FRY: variants seen among roughly 807,000 people sequenced by gnomAD.
FRY encodes FRY microtubule binding protein, also known as protein furry homolog.
In FRY, 128 loss-of-function variants were observed where a neutral mutation model predicts 348.4. The ratio of observed to expected loss-of-function variants is 0.37; its 90% CI spans 0.32 to 0.43. The LOEUF (loss-of-function observed/expected upper bound fraction) is 0.43. Among genes scored for constraint, FRY ranks in the 20% least tolerant of loss-of-function variants. The probability of loss-of-function intolerance (pLI) is 1.00; values close to 1 mark genes in which losing one functional copy is unlikely to be tolerated. For synonymous variants in FRY, 1,370 were observed against 1,374.7 expected (o/e 1.00, Z 0.08); for missense variants, 2,736 against 3,695.2 (o/e 0.74, Z 6.73).
intron 2 of FRY, among the ~76,000 whole-genome samples, chr13:32,082,470 C>A (rs1446627412): frequency 6.6e-6 from 1 of 152,162 alleles, no homozygotes; most frequent in Admixed American, 6.5e-5. Context: ...GCAAAGTGTT[C>A]TAAACAAGCT....
chr13:32,061,709 A>C (rs1202791619), intron 1 of FRY, among the ~76,000 whole-genome samples: 1 of 152,130 alleles, frequency 6.6e-6, no homozygotes, highest in Non-Finnish European at 1.5e-5. Flanking sequence ...TTTGTTTATA[A>C]ATTTAAAAAC....
At chr13:32,149,625 C>A in intron 13 of FRY, 123 bp from the exon 14 acceptor site, 1 of 696,506 alleles carries the variant, frequency 1.4e-6, no homozygotes. Flanking sequence ...AGCCACAAAA[C>A]TGAGCAGTGC....
intron 41 of FRY, among the ~76,000 whole-genome samples, chr13:32,232,824 C>T (rs1885992848): frequency 1.3e-5 from 2 of 152,164 alleles, no homozygotes; most frequent in African/African-American, 4.8e-5. Flanking sequence ...TTTTCCTTTT[C>T]TCAAAGGACA....
chr13:32,235,256 G>A (rs74044945), intron 42 of FRY, among the ~76,000 whole-genome samples: 1,537 of 152,350 alleles, frequency 0.01, 16 homozygotes, highest in South Asian at 0.03. Context: ...AGAGCCCAGA[G>A]ATTGGGAAGC....
At position 32,254,164 on chromosome 13, in the gene FRY, T is replaced by C. The variant is rs1214349075; in HGVS notation, c.7246-60T>C. The C allele has an allele frequency of 1.2e-5, 19 of 1,552,586 alleles. No individual in the cohort carries two copies. In the Admixed American group the frequency reaches 1.8e-4, roughly 15 times the overall value. On this transcript the variant is annotated intron_variant, in intron 50 of 60. Transcript: ENST00000542859. ...TGCTATGAAGAGCCAATTACAATTT[T>C]TCGTAGCACAAACAACCAAAGGGAG...
At chr13:32,283,636 T>G (rs1490357036) in intron 58 of FRY, among the ~76,000 whole-genome samples, 2 of 152,228 alleles carry the variant, frequency 1.3e-5, no homozygotes, top group Non-Finnish European at 2.9e-5. Context: ...ATTTCCAATA[T>G]TTGGGAAGTA....
At chr13:32,065,855 A>C (rs1425932218) in intron 1 of FRY, among the ~76,000 whole-genome samples, 2 of 152,092 alleles carry the variant, frequency 1.3e-5, no homozygotes, top group African/African-American at 2.4e-5. Flanking sequence ...CGTCCTGTCT[A>C]GGCCTCCCAA....
At position 32,236,158 on chromosome 13, in the gene FRY, A is replaced by G; in HGVS notation, c.5796A>G (p.Leu1932=). The change falls in exon 43 of 61, where the codon CTA becomes CTG. Residue 1932 remains leucine, a synonymous_variant. Coordinates refer to ENST00000542859, the MANE Select transcript of FRY (RefSeq NM_023037.3). ...ACTGCTTGAAGAACAGTGACCTCCT[A>G]ACTGTATTGTCCCGGTGAGAATCAG... ...LSDCLKNSDL[L]TVLSRSSSPD... 1 of 1,610,798 alleles carries G rather than the reference A, an allele frequency of 6.2e-7. No homozygotes were observed. Among genetic ancestry groups the G allele is most frequent in the East Asian group, 2.2e-5 (1 of 44,848 alleles).
Position 32,239,994 on chromosome 13 carries a change from T to G in FRY, c.6687+113T>G. ...CCTTCGCCTCCCAGAGTGCTAGGAT[T>G]ACAGGCGTGGGCCACCATTCCCTGC... On this transcript the variant is annotated intron_variant, in intron 46 of 60. Coordinates refer to ENST00000542859, the MANE Select transcript of FRY (RefSeq NM_023037.3). The surrounding 1 kb of genome is among the most constrained non-coding windows in gnomAD (Gnocchi z 4.3). 1 of 845,390 alleles carries G rather than the reference T, an allele frequency of 1.2e-6. No individual in the cohort carries two copies. The allele number at this position is 845,390 out of a possible 1,614,324, so 52.4% of individuals were successfully genotyped here.
intron 2 of FRY, among the ~76,000 whole-genome samples, chr13:32,098,871 T>G (rs1876957987): frequency 6.6e-6 from 1 of 152,086 alleles, no homozygotes. Flanking sequence ...CACAGTATTC[T>G]TTGTATTTTA....
intron 51 of FRY, among the ~76,000 whole-genome samples, chr13:32,256,711 C>T (rs1217304521): frequency 6.6e-6 from 1 of 152,184 alleles, no homozygotes; most frequent in African/African-American, 2.4e-5. Flanking sequence ...CCAACAGCTC[C>T]AGGTTTGAAT....
In FRY at chr13:32,298,464, A is replaced by G. The variant is rs1043717550; in HGVS notation, c.*3004A>G. The G allele has an allele frequency of 1.2e-4, 18 of 152,200 alleles. No individual in the cohort carries two copies. The highest frequency in any genetic ancestry group is 4.1e-4 in the African/African-American group (17 of 41,450). 9.4% of individuals were successfully genotyped at this position (152,200 alleles called of 1,614,324 possible). ...ATATTTCTTTGTTCAGCAAATATTT[A>G]TTGCATGCCCACTCTGGGCTAGGCA... On this transcript the variant is annotated 3_prime_UTR_variant, in exon 61 of 61. Coordinates refer to ENST00000542859, the MANE Select transcript of FRY (RefSeq NM_023037.3).
chr13:32,078,705 G>T (rs1383583547), intron 1 of FRY, 129 bp from the exon 2 acceptor site: 7 of 783,838 alleles, frequency 8.9e-6, no homozygotes, highest in African/African-American at 1.7e-5. Context: ...AAAGAATAAG[G>T]CCAGGTTATA....
At chr13:32,033,835 CTTTG>C (rs1167506387) in intron 1 of FRY, among the ~76,000 whole-genome samples, 3 of 152,154 alleles carry the variant, frequency 2.0e-5, no homozygotes, top group Non-Finnish European at 4.4e-5. Flanking sequence ...AGGAAATATA[CTTTG>C]TTTATCTTCT....
intron 58 of FRY, among the ~76,000 whole-genome samples, chr13:32,278,891 TGAAG>T (rs1477688202): frequency 6.6e-6 from 1 of 152,248 alleles, no homozygotes; most frequent in Non-Finnish European, 1.5e-5. Flanking sequence ...GTTTCTTTAA[TGAAG>T]GAAGTTTCTC....
rs1456656099 is a variant in FRY, at chr13:32,296,380, T to A, written c.*920T>A. ...AGAATCATAAAGGTAAAATATGAGT[T>A]GTTACTTTGTTTCTTCGATGTCATA... On this transcript the variant is annotated 3_prime_UTR_variant, in exon 61 of 61. Transcript: ENST00000542859. The A allele has an allele frequency of 1.3e-5, 2 of 152,620 alleles. No homozygotes were observed. The highest frequency in any genetic ancestry group is 3.8e-4 in the East Asian group (2 of 5,202). The allele number at this position is 152,620 out of a possible 1,614,324, so 9.5% of individuals were successfully genotyped here.
rs375420939 is a variant in FRY at position 32,217,684 on chromosome 13, T to C, written c.4683-1065T>C. Among the ~76,000 whole-genome samples, 42 of 152,174 alleles carry C rather than the reference T, an allele frequency of 2.8e-4. 1 individual carries two copies. The highest frequency in any genetic ancestry group is 9.2e-4 in the African/African-American group (38 of 41,456). ...ACTGAAGGCCTCCTGCACTGCCACC[T>C]CCCTGCGGTCAACACTAGACAAGGT... On this transcript the variant is annotated intron_variant, in intron 35 of 60. Coordinates refer to ENST00000542859, the MANE Select transcript of FRY (RefSeq NM_023037.3).
chr13:32,121,581 T>G (rs1249981922), intron 4 of FRY, among the ~76,000 whole-genome samples: 7 of 152,232 alleles, frequency 4.6e-5, no homozygotes, highest in Non-Finnish European at 7.3e-5. Flanking sequence ...GTATGTCTTC[T>G]TCTGAGAATT....
chr13:32,084,163 G>C (rs1875698588), intron 2 of FRY, among the ~76,000 whole-genome samples: 1 of 152,104 alleles, frequency 6.6e-6, no homozygotes, highest in South Asian at 2.1e-4. Flanking sequence ...CATGCAGATA[G>C]AGCCAGAGTT....
Sources: gnomAD v4.1 joint callset for allele counts (sites outside exome capture counted in the v4.1 genomes callset) on GRCh38, gnomAD v4.1.1 for gene constraint, Gnocchi (gnomAD v3.1) non-coding constraint, MANE v1.5 for transcripts, NCBI Gene and HGNC (gene_info 2026-07-23, HGNC 2026-07-21) for gene names.